KAZN: variants seen among roughly 807,000 people sequenced by gnomAD.
KAZN encodes the protein kazrin, periplakin interacting protein.
KAZN carries 40 observed loss-of-function variants against 87.4 expected under a neutral mutation model. The ratio of observed to expected loss-of-function variants is 0.46; its 90% CI spans 0.36 to 0.60. The LOEUF is 0.60. Among genes scored for constraint, KAZN ranks in the 20% least tolerant of loss-of-function variants. The pLI is 0.00. For missense variants in KAZN, 898 were observed against 1,073.9 expected (o/e 0.84, Z 2.29); for synonymous variants, 466 against 458.3 (o/e 1.02, Z -0.22).
chr1:13,922,321 T>C (rs533659464), intron 1 of KAZN, among the ~76,000 whole-genome samples: 76 of 152,308 alleles, frequency 5.0e-4, no homozygotes, highest in Admixed American at 2.5e-3. Flanking sequence ...TTGGGCCACT[T>C]GAAAGCTACG....
chr1:14,797,223 G>C (rs1645856103), intron 1 of KAZN, among the ~76,000 whole-genome samples: 1 of 152,054 alleles, frequency 6.6e-6, no homozygotes, highest in Non-Finnish European at 1.5e-5. Context: ...ACCACCCCTG[G>C]CTAATTTTTG....
chr1:13,992,631 C>A (rs1240284149), intron 1 of KAZN, among the ~76,000 whole-genome samples: 3 of 152,062 alleles, frequency 2.0e-5, no homozygotes, highest in African/African-American at 7.2e-5. Flanking sequence ...TTATTAGAGG[C>A]AAATTGTACA....
At chr1:14,339,837 A>C (rs1357613859) in intron 2 of KAZN, among the ~76,000 whole-genome samples, 2 of 152,204 alleles carry the variant, frequency 1.3e-5, no homozygotes, top group South Asian at 2.1e-4. Flanking sequence ...ATTAACTATC[A>C]CAAGTAGCAA....
intron 1 of KAZN, 110 bp from the exon 2 acceptor site, chr1:14,960,574 C>T: frequency 8.6e-7 from 1 of 1,165,692 alleles, no homozygotes; most frequent in Non-Finnish European, 1.2e-6. Context: ...AGGAAAGGCC[C>T]TGAATGCAGA....
Position 14,498,059 on chromosome 1 carries a change from AT to A in KAZN, c.250-100923del, listed in dbSNP as rs149452049. On this transcript the variant is annotated intron_variant, in intron 2 of 16. Coordinates refer to the KAZN transcript ENST00000636203. ...TTCTCCTTCACCTCATTCGTATTCA[AT>A]GTCTGGGACTCAGTTCAAGGCTCTT... Among the ~76,000 whole-genome samples, 298 of 152,254 alleles carry A rather than the reference AT, an allele frequency of 2.0e-3. 1 individual carries two copies. The highest frequency in any genetic ancestry group is 5.7e-3 in the African/African-American group (237 of 41,542).
chr1:14,080,557 T>C (rs753247561), intron 1 of KAZN, among the ~76,000 whole-genome samples: 1 of 152,226 alleles, frequency 6.6e-6, no homozygotes, highest in Non-Finnish European at 1.5e-5. Context: ...TATGTCCAAG[T>C]GGCATATTTG....
chr1:14,523,165 C>T (rs139019004), intron 2 of KAZN, among the ~76,000 whole-genome samples: 303 of 152,348 alleles, frequency 2.0e-3, no homozygotes, highest in African/African-American at 6.8e-3. Flanking sequence ...CCCTTCCCCA[C>T]TGGCATCCTC....
intron 1 of KAZN, among the ~76,000 whole-genome samples, chr1:14,920,001 TCTGTCC>T (rs1354910504): frequency 1.3e-5 from 2 of 152,228 alleles, no homozygotes; most frequent in Non-Finnish European, 2.9e-5. Context: ...TCATTCTGCC[TCTGTCC>T]CTGTCCTTGT....
At chr1:14,415,735 A>G (rs1023063377) in intron 2 of KAZN, among the ~76,000 whole-genome samples, 1 of 152,164 alleles carries the variant, frequency 6.6e-6, no homozygotes, top group African/African-American at 2.4e-5. Context: ...AGTAGTAAGT[A>G]GGACATTTTG....
In KAZN at chr1:14,627,634, C is replaced by T. The variant is rs116654724; in HGVS notation, c.226+28411C>T. Among the ~76,000 whole-genome samples, 513 of 152,306 alleles carry T rather than the reference C, an allele frequency of 3.4e-3. 3 individuals are homozygous for T. The highest frequency in any genetic ancestry group is 0.012 in the African/African-American group (484 of 41,558). Reference sequence around the variant, plus strand: ...TTCCTAGGGCTTAGCACAGTGCCTGCCTTCTGAGGGTACCTAATAAATATA... The same window carrying T: ...TTCCTAGGGCTTAGCACAGTGCCTGTCTTCTGAGGGTACCTAATAAATATA... On this transcript the variant is annotated intron_variant, in intron 1 of 14. Coordinates refer to ENST00000376030, the MANE Select transcript of KAZN (RefSeq NM_201628.3).
intron 1 of KAZN, among the ~76,000 whole-genome samples, chr1:13,972,523 C>G (rs1471521463): frequency 6.6e-6 from 1 of 152,166 alleles, no homozygotes; most frequent in African/African-American, 2.4e-5. Context: ...CTATCCAGAG[C>G]TCTATGATCC....
chr1:14,218,070 C>T (rs1301268429), intron 2 of KAZN, among the ~76,000 whole-genome samples: 2 of 152,040 alleles, frequency 1.3e-5, no homozygotes, highest in African/African-American at 4.8e-5. Context: ...TATTAACATA[C>T]AGCTTGATAC....
At chr1:14,432,885 C>T (rs969598978) in intron 2 of KAZN, among the ~76,000 whole-genome samples, 1 of 152,052 alleles carries the variant, frequency 6.6e-6, no homozygotes. Flanking sequence ...CATTGATGTC[C>T]CTGCAAAGGA....
chr1:14,945,188 C>G (rs971008099), intron 1 of KAZN, among the ~76,000 whole-genome samples: 5 of 152,204 alleles, frequency 3.3e-5, no homozygotes, highest in African/African-American at 1.2e-4. Flanking sequence ...CAGGAGCACC[C>G]CTGCAGGCCT....
intron 2 of KAZN, among the ~76,000 whole-genome samples, chr1:14,304,294 C>A (rs1654767766): frequency 6.6e-6 from 1 of 152,212 alleles, no homozygotes; most frequent in African/African-American, 2.4e-5. Context: ...CCAAAGGACA[C>A]TTTTCTTTGA....
chr1:13,995,982 A>G (rs1286461094), intron 1 of KAZN, among the ~76,000 whole-genome samples: 2 of 152,234 alleles, frequency 1.3e-5, no homozygotes, highest in African/African-American at 4.8e-5. Context: ...GAAAAGAACC[A>G]TAATAAGCAT....
chr1:14,572,101 C>T (rs1276689671), intron 2 of KAZN, among the ~76,000 whole-genome samples: 1 of 152,152 alleles, frequency 6.6e-6, no homozygotes, highest in Non-Finnish European at 1.5e-5. Flanking sequence ...CTGGGATCAG[C>T]CCTCAGGAGG....
At chr1:14,957,411 G>A (rs566700286) in intron 1 of KAZN, among the ~76,000 whole-genome samples, 7 of 152,352 alleles carry the variant, frequency 4.6e-5, no homozygotes, top group Admixed American at 1.3e-4. Flanking sequence ...ACGTTACCGA[G>A]TGCCCGTGAT....
intron 2 of KAZN, among the ~76,000 whole-genome samples, chr1:14,446,412 T>G (rs1266572143): frequency 6.6e-6 from 1 of 152,152 alleles, no homozygotes; most frequent in East Asian, 1.9e-4. Flanking sequence ...TAGTGGTATC[T>G]AAGAAAAGGA....
Sources: gnomAD v4.1 joint callset for allele counts (sites outside exome capture counted in the v4.1 genomes callset) on GRCh38, gnomAD v4.1.1 for gene constraint, MANE v1.5 for transcripts, NCBI Gene and HGNC (gene_info 2026-07-23, HGNC 2026-07-21) for gene names.